SAMD3: variants seen among roughly 807,000 people sequenced by gnomAD.
SAMD3 encodes the protein sterile alpha motif domain containing 3.
A neutral mutation model predicts 58.5 loss-of-function variants in SAMD3; 63 were observed. That is an observed-to-expected ratio of 1.08 (90% CI 0.88 to 1.33). The LOEUF (loss-of-function observed/expected upper bound fraction) is 1.33. SAMD3 is among the 40% of genes most tolerant of loss of function. The pLI is 0.00. For missense variants in SAMD3, 604 were observed against 608.4 expected (o/e 0.99, Z 0.08); for synonymous variants, 220 against 210.3 (o/e 1.05, Z -0.40).
chr6:130,246,150 G>A (rs1773537270), intron 2 of SAMD3, among the ~76,000 whole-genome samples: 1 of 152,074 alleles, frequency 6.6e-6, no homozygotes, highest in Non-Finnish European at 1.5e-5. Flanking sequence ...GAATCCTGGA[G>A]AACAAAGATC....
intron 1 of SAMD3, among the ~76,000 whole-genome samples, chr6:130,346,180 T>A (rs1777444170): frequency 6.6e-6 from 1 of 152,202 alleles, no homozygotes; most frequent in Non-Finnish European, 1.5e-5. Flanking sequence ...CATTTCCAAC[T>A]GAGGTACTGG....
intron 2 of SAMD3, among the ~76,000 whole-genome samples, chr6:130,297,626 TAAG>T (rs1176915208): frequency 6.6e-6 from 1 of 152,060 alleles, no homozygotes; most frequent in Non-Finnish European, 1.5e-5. Context: ...TGAAATCCAA[TAAG>T]AAGAAGCCAG....
chr6:130,252,608 G>A (rs1452493397), intron 2 of SAMD3, among the ~76,000 whole-genome samples: 2 of 152,158 alleles, frequency 1.3e-5, no homozygotes, highest in South Asian at 2.1e-4. Flanking sequence ...AGCTGCTGGT[G>A]TAAAGCTTTG....
intron 7 of SAMD3, among the ~76,000 whole-genome samples, chr6:130,181,749 C>A (rs991519222): frequency 6.6e-6 from 1 of 152,032 alleles, no homozygotes; most frequent in Admixed American, 6.6e-5. Context: ...GCTGCAGAAG[C>A]AAGGGCGGGT....
At chr6:130,177,656 A>G (rs140340381) in intron 7 of SAMD3, among the ~76,000 whole-genome samples, 172 of 151,816 alleles carry the variant, frequency 1.1e-3, no homozygotes, top group African/African-American at 4.1e-3. Context: ...GTGGTAATCT[A>G]CCCTCATCTA....
intron 7 of SAMD3, among the ~76,000 whole-genome samples, chr6:130,179,605 CA>C (rs34174182): frequency 0.67 from 81,032 of 121,274 alleles, 25,677 homozygotes; most frequent in East Asian, 0.92. Flanking sequence ...ACTGTCTAGG[CA>C]AAAAAAAAAA....
At chr6:130,351,484 C>G (rs2115036306) in intron 1 of SAMD3, among the ~76,000 whole-genome samples, 1 of 152,318 alleles carries the variant, frequency 6.6e-6, no homozygotes, top group Admixed American at 6.5e-5. Flanking sequence ...AAATGCTCAT[C>G]ATCACTGGCC....
chr6:130,212,599 A>C (rs1156408619), intron 4 of SAMD3, among the ~76,000 whole-genome samples: 1 of 152,278 alleles, frequency 6.6e-6, no homozygotes, highest in Non-Finnish European at 1.5e-5. Context: ...CGTACGGATG[A>C]AGAAACAAGA....
chr6:130,167,828 C>A (rs1191288521), intron 8 of SAMD3, among the ~76,000 whole-genome samples: 1 of 152,072 alleles, frequency 6.6e-6, no homozygotes, highest in African/African-American at 2.4e-5. Flanking sequence ...GCAAAATACC[C>A]GGCATTATGC....
chr6:130,147,853 C>T (rs1788775597), intron 9 of SAMD3, among the ~76,000 whole-genome samples: 1 of 152,196 alleles, frequency 6.6e-6, no homozygotes, highest in African/African-American at 2.4e-5. Flanking sequence ...AGGCCAGTTA[C>T]TTTGTAGAAC....
intron 8 of SAMD3, among the ~76,000 whole-genome samples, chr6:130,175,543 A>C (rs566977019): frequency 6.6e-6 from 1 of 152,260 alleles, no homozygotes; most frequent in East Asian, 1.9e-4. Context: ...GCATTGTAGG[A>C]TAAGAGCAAA....
chr6:130,337,082 G>A (rs918822295), intron 1 of SAMD3, among the ~76,000 whole-genome samples: 2 of 152,090 alleles, frequency 1.3e-5, no homozygotes, highest in South Asian at 2.1e-4. Context: ...CCTTGATATG[G>A]GCTGGCTCTG....
chr6:130,151,974 A>ATT (rs2114570539), intron 9 of SAMD3, among the ~76,000 whole-genome samples: 1 of 152,312 alleles, frequency 6.6e-6, no homozygotes, highest in East Asian at 1.9e-4. Context: ...AGTTGATAAT[A>ATT]TTTTAGATAA....
chr6:130,245,209 T>C (rs1035318089), intron 2 of SAMD3, among the ~76,000 whole-genome samples: 6 of 152,176 alleles, frequency 3.9e-5, no homozygotes, highest in South Asian at 4.1e-4. Flanking sequence ...CTTTGAATAG[T>C]GGTTAAAAGT....
chr6:130,238,622 CG>C (rs1168016100), intron 2 of SAMD3, among the ~76,000 whole-genome samples: 1 of 151,946 alleles, frequency 6.6e-6, no homozygotes, highest in Non-Finnish European at 1.5e-5. Context: ...GGAAAGAATA[CG>C]AGCAAGAGGG....
intron 2 of SAMD3, among the ~76,000 whole-genome samples, chr6:130,305,665 G>A (rs538748294): frequency 6.6e-6 from 1 of 152,152 alleles, no homozygotes; most frequent in East Asian, 1.9e-4. Flanking sequence ...AAGGTCATAT[G>A]GTTTTCCTCC....
chr6:130,188,259 C>T (rs1170703771), intron 5 of SAMD3, among the ~76,000 whole-genome samples: 1 of 152,182 alleles, frequency 6.6e-6, no homozygotes, highest in Non-Finnish European at 1.5e-5. Context: ...AGAACGGGCT[C>T]AGGTGAGCAC....
At chr6:130,181,867 T>C (rs1792361180) in intron 7 of SAMD3, among the ~76,000 whole-genome samples, 1 of 152,024 alleles carries the variant, frequency 6.6e-6, no homozygotes, top group Admixed American at 6.6e-5. Flanking sequence ...ACACAAGTTC[T>C]ATCCTGGCTA....
downstream of SAMD3, chr6:130,143,788 C>CTTGT (rs1164455972): frequency 6.6e-6 from 1 of 152,216 alleles, no homozygotes; most frequent in Non-Finnish European, 1.5e-5. Flanking sequence ...TGCACTGAGT[C>CTTGT]TTGTTAGACC....
Sources: gnomAD v4.1 joint callset for allele counts (sites outside exome capture counted in the v4.1 genomes callset) on GRCh38, gnomAD v4.1.1 for gene constraint, MANE v1.5 for transcripts, NCBI Gene and HGNC (gene_info 2026-07-23, HGNC 2026-07-21) for gene names.